The following IL2RB variants were observed in gnomAD, a reference collection of about 807,000 sequenced individuals.
The protein encoded by IL2RB is interleukin 2 receptor subunit beta.
In IL2RB, 17 loss-of-function variants were observed where a neutral mutation model predicts 44.2. The ratio of observed to expected loss-of-function variants is 0.38; its 90% CI spans 0.26 to 0.58. The LOEUF is 0.58. Ranked by LOEUF, IL2RB falls within the 20% of genes least tolerant of loss-of-function variation. The pLI, the probability that IL2RB is intolerant of heterozygous loss-of-function variation, is 0.63. For missense variants in IL2RB, 624 were observed against 685.5 expected (o/e 0.91, Z 1.00); for synonymous variants, 286 against 297.9 (o/e 0.96, Z 0.41).
chr22:37,128,256 T>G lies in IL2RB; in HGVS notation c.1496A>C (p.Glu499Ala). The change falls in exon 10 of 10, where the codon GAG becomes GCG. Residue 499 changes from glutamate (E) to alanine (A), a missense_variant. By Grantham distance (107) the Glu-to-Ala change is moderately radical. This residue lies in a region of IL2RB where 291 missense variants were observed against 275.5 expected (regional missense o/e 1.06). Coordinates refer to ENST00000216223, the MANE Select transcript of IL2RB (RefSeq NM_000878.5). This position sits in a 1 kb window ranked among gnomAD's most constrained non-coding sequence, Gnocchi z 4.5. ...CTCCCTGGGGCCAGCGTCAGGGACC[T>G]CCTCCCCAGCCTCTCGCAGCACCAG... Reference protein sequence around the residue: ...PELVLREAGEEVPDAGPREGV... With the variant: ...PELVLREAGEAVPDAGPREGV... 1 of 1,497,188 alleles carries G rather than the reference T, an allele frequency of 6.7e-7. No homozygotes were observed. The highest frequency in any genetic ancestry group is 1.4e-5 in the South Asian group (1 of 71,840). The allele number at this position is 1,497,188 out of a possible 1,614,324, so 92.7% of individuals were successfully genotyped here.
Position 37,127,961 on chromosome 22 carries a change from G to A in IL2RB, c.*135C>T, listed in dbSNP as rs1284360515. On this transcript the variant is annotated 3_prime_UTR_variant, in exon 10 of 10. Transcript: ENST00000216223. Reference sequence around the variant, plus strand: ...GACCAAGTGTGCAGGACTGGGTGGGGGCCATCCGGGTGGAGAAGTCCAGCT... The same window carrying A: ...GACCAAGTGTGCAGGACTGGGTGGGAGCCATCCGGGTGGAGAAGTCCAGCT... 8 of 650,730 alleles carry A rather than the reference G, an allele frequency of 1.2e-5. No homozygotes were observed. In the East Asian group the frequency reaches 1.4e-4, roughly 11 times the overall value. The allele number at this position is 650,730 out of a possible 1,614,324, so 40.3% of individuals were successfully genotyped here.
upstream of IL2RB, chr22:37,149,943 G>C (rs1026683984): frequency 3.6e-5 from 35 of 982,690 alleles, no homozygotes; most frequent in Admixed American, 2.5e-4. Context: ...AAGACTAAAA[G>C]CCCAGAGCCA....
intron 1 of IL2RB, among the ~76,000 whole-genome samples, chr22:37,159,056 G>A (rs1217874979): frequency 6.6e-6 from 1 of 152,196 alleles, no homozygotes; most frequent in Non-Finnish European, 1.5e-5. Context: ...CTTTTCCTGT[G>A]GGAAACAGGT....
At chr22:37,131,308 C>T (rs1202019516) in intron 9 of IL2RB, among the ~76,000 whole-genome samples, 1 of 152,282 alleles carries the variant, frequency 6.6e-6, no homozygotes, top group East Asian at 1.9e-4. Context: ...AGCTCTGGTC[C>T]GGCATGGCTT....
chr22:37,137,755 G>C lies in IL2RB; in HGVS notation c.389-20C>G, dbSNP rs228958. On this transcript the variant is annotated intron_variant, in intron 5 of 9. Transcript: ENST00000216223. ...GGCGAACTGGAGACAACAGGGGGTA[G>C]GGGAGAGCAGTCAGCCATGACCTCC... 707,084 of 1,598,574 alleles carry C rather than the reference G, an allele frequency of 0.44. 159,196 individuals are homozygous for C. The highest frequency in any genetic ancestry group is 0.63 in the East Asian group (28,068 of 44,674).
Position 37,147,684 on chromosome 22 carries a change from C to G in IL2RB, c.-34+2141G>C, listed in dbSNP as rs141079223. On this transcript the variant is annotated intron_variant, in intron 1 of 9. Coordinates refer to ENST00000216223, the MANE Select transcript of IL2RB (RefSeq NM_000878.5). ...ACACTGGTCCCAGAGGTAAGGCTGC[C>G]ACCCTCTCTGTCCTGGGAGTCAGGA... Among the ~76,000 whole-genome samples, 1,044 of 152,328 alleles carry G rather than the reference C, an allele frequency of 6.9e-3. 12 individuals carry two copies. The highest frequency in any genetic ancestry group is 0.024 in the African/African-American group (1,009 of 41,554).
chr22:37,142,175 G>C (rs1029915998), intron 4 of IL2RB, among the ~76,000 whole-genome samples: 1 of 152,208 alleles, frequency 6.6e-6, no homozygotes, highest in Non-Finnish European at 1.5e-5. Flanking sequence ...AAAGCGCAGG[G>C]GAGACAGCAG....
chr22:37,144,722 C>T (rs6000578), intron 1 of IL2RB, among the ~76,000 whole-genome samples: 14 of 152,226 alleles, frequency 9.2e-5, no homozygotes, highest in African/African-American at 2.4e-4. Flanking sequence ...CCAGCCTGGA[C>T]GACAGAGTAA....
Position 37,128,272 on chromosome 22 carries a change from G to A in IL2RB, c.1480C>T (p.Arg494Ter), listed in dbSNP as rs757144557. ...TCAGGGACCTCCTCCCCAGCCTCTC[G>A]CAGCACCAGCTCAGGGGGTGGCTGA... ...DFQPPPELVL[R>*]EAGEEVPDAG... is the part of the protein sequence containing the mutation. Residue 494 changes from arginine to a stop codon, truncating the protein, a stop_gained, in exon 10 of 10, where the codon CGA (arginine) becomes TGA (stop). Transcript: ENST00000216223. LOFTEE classifies it low-confidence loss of function (END_TRUNC). The surrounding 1 kb of genome is among the most constrained non-coding windows in gnomAD (Gnocchi z 4.5). 2 of 1,497,958 alleles carry A rather than the reference G, an allele frequency of 1.3e-6. No homozygotes were observed. Among genetic ancestry groups the A allele is most frequent in the Non-Finnish European group, 1.8e-6 (2 of 1,124,570 alleles). 92.8% of individuals were successfully genotyped at this position (1,497,958 alleles called of 1,614,324 possible). A position where few individuals can be genotyped will look rare whatever the true frequency, so the allele number is the denominator to read the frequency against.
At chr22:37,137,439 C>T in intron 6 of IL2RB, 148 bp downstream of exon 6, 1 of 777,020 alleles carries the variant, frequency 1.3e-6, no homozygotes, top group East Asian at 2.5e-5. Context: ...GGGGAGGCAG[C>T]CCCAGGCAGT....
rs1027503530 is a variant in IL2RB, at chr22:37,165,393, A to T, written c.-34+9565T>A. On this transcript the variant is annotated intron_variant, in intron 1 of 5. Transcript: ENST00000429622. Reference sequence around the variant, plus strand: ...CGTGGCCTCTCCAGGGAGAGTCTGAATCATGATTTTCCCAGGCATGGAAGG... The same window carrying T: ...CGTGGCCTCTCCAGGGAGAGTCTGATTCATGATTTTCCCAGGCATGGAAGG... Among the ~76,000 whole-genome samples the T allele has an allele frequency of 3.1e-4, 47 of 152,160 alleles. 2 individuals carry two copies. The highest frequency in any genetic ancestry group is 2.9e-5 in the Non-Finnish European group (2 of 68,036).
At chr22:37,146,578 G>T (rs1056550939) in intron 1 of IL2RB, among the ~76,000 whole-genome samples, 1 of 152,160 alleles carries the variant, frequency 6.6e-6, no homozygotes, top group East Asian at 1.9e-4. Flanking sequence ...CATTTCAAAC[G>T]GGCCCTCATG....
upstream of IL2RB, chr22:37,149,999 G>T: frequency 1.3e-6 from 1 of 777,254 alleles, no homozygotes; most frequent in Non-Finnish European, 1.6e-6. Flanking sequence ...CTGGGGTGGA[G>T]AGGCGGGGAG....
Position 37,145,456 on chromosome 22 carries a change from T to C in IL2RB, c.-33-1251A>G, listed in dbSNP as rs562962363. On this transcript the variant is annotated intron_variant, in intron 1 of 9. Transcript: ENST00000216223. Reference sequence around the variant, plus strand: ...TTTTTTTTTTGAGACAAAGACTTGCTTCTCAGGGAACCTCTAGCCAACCGT... The same window carrying C: ...TTTTTTTTTTGAGACAAAGACTTGCCTCTCAGGGAACCTCTAGCCAACCGT... 4.6e-5 allele frequency among the ~76,000 whole-genome samples: 7 copies of C among 151,956 alleles called. No homozygotes were observed. The East Asian group carries it at 1.4e-3, about 29-fold the overall frequency.
At chr22:37,145,429 CTT>C (rs965482294) in intron 1 of IL2RB, among the ~76,000 whole-genome samples, 1 of 146,942 alleles carries the variant, frequency 6.8e-6, no homozygotes. Flanking sequence ...TATTTATTTA[CTT>C]TTTTTTTTTG....
At chr22:37,153,137 G>A (rs1437020547), upstream of IL2RB, among the ~76,000 whole-genome samples, 1 of 152,064 alleles carries the variant, frequency 6.6e-6, no homozygotes, top group Non-Finnish European at 1.5e-5. Context: ...GTTTCCCCAT[G>A]TTGGCCAGGC....
In IL2RB at chr22:37,128,995, A is replaced by G; in HGVS notation, c.904-147T>C. On this transcript the variant is annotated intron_variant, in intron 9 of 9. Transcript: ENST00000216223. This position sits in a 1 kb window ranked among gnomAD's most constrained non-coding sequence, Gnocchi z 4.5. Reference sequence around the variant, plus strand: ...CATCCAGGAAGCTCTCCCTGATTATAGCCCCGCACTCCCCCAACCCACCCA... The same window carrying G: ...CATCCAGGAAGCTCTCCCTGATTATGGCCCCGCACTCCCCCAACCCACCCA... The G allele has an allele frequency of 1.0e-6, 1 of 994,040 alleles. No individual in the cohort carries two copies. Among genetic ancestry groups the G allele is most frequent in the Non-Finnish European group, 1.4e-6 (1 of 697,932 alleles). The allele number at this position is 994,040 out of a possible 1,614,324, so 61.6% of individuals were successfully genotyped here. A position where few individuals can be genotyped will look rare whatever the true frequency, so the allele number is the denominator to read the frequency against.
At chr22:37,136,152 G>A in intron 7 of IL2RB, 76 bp downstream of exon 7, 2 of 1,465,388 alleles carry the variant, frequency 1.4e-6, no homozygotes, top group African/African-American at 1.4e-5. Flanking sequence ...CCCAGGCAGG[G>A]AGAGAATGGA....
At chr22:37,157,076 G>A (rs373802401) in intron 1 of IL2RB, among the ~76,000 whole-genome samples, 2 of 148,066 alleles carry the variant, frequency 1.4e-5, no homozygotes, top group South Asian at 4.2e-4. Context: ...ATAATTTGGT[G>A]TCTGACCCTC....
Sources: gnomAD v4.1 joint callset for allele counts (sites outside exome capture counted in the v4.1 genomes callset) on GRCh38, gnomAD v4.1.1 for gene constraint, gnomAD v4.1.1 regional missense constraint, Gnocchi (gnomAD v3.1) non-coding constraint, MANE v1.5 for transcripts, NCBI Gene and HGNC (gene_info 2026-07-23, HGNC 2026-07-21) for gene names.